Variants in UST observed in about 807,000 individuals in gnomAD.
UST encodes chondroitin sulfate 2-O-sulfotransferase.
In UST, 21 loss-of-function variants were observed where a neutral mutation model predicts 45.6. The observed-to-expected ratio is 0.46, with a 90% CI of 0.33 to 0.66. UST has a LOEUF of 0.66. Among genes scored for constraint, UST ranks in the 30% least tolerant of loss-of-function variants. The pLI, the probability that UST is intolerant of heterozygous loss-of-function variation, is 0.02. For synonymous variants in UST, 215 were observed against 200.6 expected (o/e 1.07, Z -0.61); for missense variants, 463 against 512.4 (o/e 0.90, Z 0.93).
chr6:149,065,572 A>G (rs1776718884), intron 7 of UST, among the ~76,000 whole-genome samples: 1 of 152,218 alleles, frequency 6.6e-6, no homozygotes, highest in Non-Finnish European at 1.5e-5. Context: ...AAAAATCTCA[A>G]CATAGATGGG....
intron 1 of UST, among the ~76,000 whole-genome samples, chr6:148,762,143 T>C (rs963005851): frequency 1.3e-5 from 2 of 152,224 alleles, no homozygotes; most frequent in Non-Finnish European, 2.9e-5. Context: ...TCATTCGTGC[T>C]GCGAGATAAA....
At chr6:148,784,483 T>C (rs932993721) in intron 1 of UST, among the ~76,000 whole-genome samples, 1 of 152,224 alleles carries the variant, frequency 6.6e-6, no homozygotes, top group Non-Finnish European at 1.5e-5. Flanking sequence ...TGTGTACCCA[T>C]TCACGAGGAA....
chr6:149,058,644 G>A (rs939548957), intron 7 of UST, among the ~76,000 whole-genome samples: 5 of 152,014 alleles, frequency 3.3e-5, no homozygotes, highest in Non-Finnish European at 5.9e-5. Flanking sequence ...TTCATAATAC[G>A]ATTTCAAATA....
chr6:148,747,535 G>GC lies in UST; in HGVS notation c.109dup (p.Leu37ProfsTer54). On this transcript the variant is annotated frameshift_variant, in exon 1 of 8. Coordinates refer to ENST00000367463, the MANE Select transcript of UST (RefSeq NM_005715.3). LOFTEE classifies it high-confidence loss of function. The stretch of plus-strand genomic sequence containing the variant: ...GCCTGGGCAGCTGGAAGCGTCGGGT[G>GC]CCCCTGCTGCCTTTCCTGCGCTTCT... 2.1e-5 allele frequency: 32 copies of GC among 1,551,858 alleles called. No individual in the cohort carries two copies. The highest frequency in any genetic ancestry group is 2.6e-5 in the Non-Finnish European group (30 of 1,150,474).
intron 5 of UST, among the ~76,000 whole-genome samples, chr6:149,001,193 T>C (rs1781544598): frequency 6.6e-6 from 1 of 151,304 alleles, no homozygotes; most frequent in South Asian, 2.1e-4. Flanking sequence ...TGCGTCAGCC[T>C]CCTGAGTAGC....
chr6:148,894,093 G>A (rs1173210479), intron 2 of UST, among the ~76,000 whole-genome samples: 1 of 152,128 alleles, frequency 6.6e-6, no homozygotes, highest in African/African-American at 2.4e-5. Flanking sequence ...GTGGTAGGTG[G>A]GAAATTGAGA....
At chr6:148,936,375 G>C (rs995646090) in intron 2 of UST, among the ~76,000 whole-genome samples, 1 of 152,064 alleles carries the variant, frequency 6.6e-6, no homozygotes, top group African/African-American at 2.4e-5. Context: ...GGGGAGTATG[G>C]GGGGCACACA....
At chr6:148,899,258 C>T (rs972528669) in intron 2 of UST, among the ~76,000 whole-genome samples, 1 of 152,056 alleles carries the variant, frequency 6.6e-6, no homozygotes, top group Non-Finnish European at 1.5e-5. Context: ...CGCCACTACG[C>T]CCAGCTAATT....
intron 7 of UST, among the ~76,000 whole-genome samples, chr6:149,029,100 C>T (rs1351991670): frequency 6.6e-6 from 1 of 151,904 alleles, no homozygotes; most frequent in Non-Finnish European, 1.5e-5. Context: ...TTACATAACG[C>T]TTGAACACAG....
At chr6:148,883,580 C>T (rs1490984296) in intron 1 of UST, among the ~76,000 whole-genome samples, 1 of 152,164 alleles carries the variant, frequency 6.6e-6, no homozygotes, top group African/African-American at 2.4e-5. Context: ...GGTGCTTAAT[C>T]CTGACTTGGG....
chr6:149,001,426 A>C (rs771333332), intron 5 of UST, among the ~76,000 whole-genome samples: 11 of 152,234 alleles, frequency 7.2e-5, no homozygotes, highest in Non-Finnish European at 1.5e-4. Flanking sequence ...CAGATTAAAC[A>C]AATTTAAATA....
chr6:148,855,947 T>C (rs181701599), intron 1 of UST, among the ~76,000 whole-genome samples: 1 of 152,186 alleles, frequency 6.6e-6, no homozygotes, highest in Admixed American at 6.5e-5. Flanking sequence ...CTCCTTTGTA[T>C]GTTGGTGATC....
chr6:148,808,631 G>A lies in UST; in HGVS notation c.247+60954G>A, dbSNP rs138320980. 4.1e-3 allele frequency among the ~76,000 whole-genome samples: 620 copies of A among 152,104 alleles called. 1 individual carries two copies. Among genetic ancestry groups the A allele is most frequent in the Middle Eastern group, 0.01 (3 of 294 alleles). On this transcript the variant is annotated intron_variant, in intron 1 of 7. Coordinates refer to ENST00000367463, the MANE Select transcript of UST (RefSeq NM_005715.3). ...TTTGCTTGATATAAATTAAAGAAGC[G>A]TTGGGATATGGGTGGATTTAATACC...
chr6:149,040,071 G>A (rs1299370637), intron 7 of UST, among the ~76,000 whole-genome samples: 2 of 152,178 alleles, frequency 1.3e-5, no homozygotes, highest in Non-Finnish European at 2.9e-5. Context: ...AGATCTGAAG[G>A]CTGGTTAGGC....
At chr6:148,784,240 T>C (rs144229675) in intron 1 of UST, among the ~76,000 whole-genome samples, 314 of 152,298 alleles carry the variant, frequency 2.1e-3, no homozygotes, top group Non-Finnish European at 3.7e-3. Context: ...TTAACTAAAG[T>C]TCCCCACTTA....
At chr6:148,917,437 C>T (rs538732229) in intron 2 of UST, among the ~76,000 whole-genome samples, 1 of 152,096 alleles carries the variant, frequency 6.6e-6, no homozygotes, top group Non-Finnish European at 1.5e-5. Flanking sequence ...ATAAAGAGAC[C>T]GTCTTTACCC....
At chr6:148,970,634 C>T (rs1780896639) in intron 5 of UST, among the ~76,000 whole-genome samples, 1 of 152,134 alleles carries the variant, frequency 6.6e-6, no homozygotes, top group South Asian at 2.1e-4. Context: ...GAGCCAGGCC[C>T]CATGGGAAGC....
intron 1 of UST, among the ~76,000 whole-genome samples, chr6:148,835,485 G>C (rs1022929275): frequency 2.0e-5 from 3 of 152,076 alleles, no homozygotes; most frequent in South Asian, 2.1e-4. Flanking sequence ...CGTGTCCCTG[G>C]TCCCCTGGTA....
At chr6:148,897,959 AG>A (rs1779168573) in intron 2 of UST, among the ~76,000 whole-genome samples, 1 of 152,110 alleles carries the variant, frequency 6.6e-6, no homozygotes, top group Non-Finnish European at 1.5e-5. Flanking sequence ...TTTTTTCCTA[AG>A]AATATATTGT....
Sources: allele counts gnomAD v4.1 joint callset (sites outside exome capture counted in the v4.1 genomes callset), GRCh38; gene constraint gnomAD v4.1.1; transcripts MANE v1.5; gene names NCBI Gene and HGNC (gene_info 2026-07-23, HGNC 2026-07-21).